ANK2: variants seen among roughly 807,000 people sequenced by gnomAD.
The protein encoded by ANK2 is ankyrin-2.
In ANK2, 83 loss-of-function variants were observed where a neutral mutation model predicts 360.5. The ratio of observed to expected loss-of-function variants is 0.23; its 90% CI spans 0.19 to 0.28. ANK2 has a LOEUF of 0.28. Ranked by LOEUF, ANK2 falls within the 10% of genes least tolerant of loss-of-function variation. ANK2 has a pLI of 1.00. For synonymous variants in ANK2, 1,740 were observed against 1,759.5 expected (o/e 0.99, Z 0.28); for missense variants, 4,201 against 4,795.7 (o/e 0.88, Z 3.66).
chr4:113,072,485 C>T (rs897067776), intron 1 of ANK2, among the ~76,000 whole-genome samples: 43 of 152,096 alleles, frequency 2.8e-4, no homozygotes, highest in African/African-American at 9.2e-4. Context: ...CTCTTCCTGC[C>T]GGACTGGTCT....
chr4:113,350,342 A>G (rs2095326314), intron 37 of ANK2, 93 bp downstream of exon 37: 1 of 1,008,932 alleles, frequency 9.9e-7, no homozygotes, highest in Non-Finnish European at 1.5e-6. Context: ...ATTACTAACC[A>G]CTATAGTAAT....
At position 113,278,064 on chromosome 4, in the gene ANK2, T is replaced by C. The variant is rs79181753; in HGVS notation, c.1782+129T>C. 4.2e-5 allele frequency: 38 copies of C among 905,216 alleles called. No homozygotes were observed. In the East Asian group the frequency reaches 1.0e-3, roughly 24 times the overall value. 56.1% of individuals were successfully genotyped at this position (905,216 alleles called of 1,614,324 possible). A position where few individuals can be genotyped will look rare whatever the true frequency, so the allele number is the denominator to read the frequency against. On this transcript the variant is annotated intron_variant, in intron 16 of 45. Transcript: ENST00000357077. ...CTGATGAAACTATCCCAAATAGACA[T>C]GGTGGCGATGTCTTCCATGACCGTC... is the stretch of plus-strand genomic sequence containing the variant.
chr4:113,180,971 C>T (rs575604936), intron 2 of ANK2, among the ~76,000 whole-genome samples: 1 of 152,188 alleles, frequency 6.6e-6, no homozygotes, highest in Non-Finnish European at 1.5e-5. Context: ...TTGCTCTATA[C>T]TGGGTAGTGC....
intron 34 of ANK2, among the ~76,000 whole-genome samples, chr4:113,343,794 C>T (rs1163944164): frequency 6.6e-6 from 1 of 152,104 alleles, no homozygotes; most frequent in Non-Finnish European, 1.5e-5. Flanking sequence ...AATAATTCTA[C>T]TCTGCATTAT....
intron 2 of ANK2, among the ~76,000 whole-genome samples, chr4:112,953,772 G>A (rs2095178805): frequency 6.6e-6 from 1 of 152,130 alleles, no homozygotes; most frequent in Non-Finnish European, 1.5e-5. Flanking sequence ...TTTTGACGAG[G>A]ATTATTACCA....
chr4:112,754,912 G>A, the ANK2 span, among the ~76,000 whole-genome samples: 1 of 152,116 alleles, frequency 6.6e-6, no homozygotes, highest in African/African-American at 2.4e-5. Context: ...ACTGGAGGAG[G>A]GAGAAAGATG....
rs1554340087 is a variant in ANK2, at chr4:113,250,759, C to CA, written c.990+897_990+898insA. Reference sequence around the variant, plus strand: ...TCCATTCCACCTCATACCACCGCCCCCCCCCCCGACAGAGTTGGTATCAAC... The same window carrying CA: ...TCCATTCCACCTCATACCACCGCCCCACCCCCCCGACAGAGTTGGTATCAAC... On this transcript the variant is annotated intron_variant, in intron 10 of 45. Transcript: ENST00000357077. 7.8e-4 allele frequency among the ~76,000 whole-genome samples: 105 copies of CA among 134,712 alleles called. 9 individuals carry two copies. The highest frequency in any genetic ancestry group is 2.6e-3 in the African/African-American group (97 of 37,910). 88.4% of individuals were successfully genotyped at this position (134,712 alleles called of 152,430 possible).
chr4:112,850,324 T>TCCA (rs1452514987), intron 1 of ANK2, among the ~76,000 whole-genome samples: 2 of 133,810 alleles, frequency 1.5e-5, no homozygotes, highest in African/African-American at 5.8e-5. Context: ...CATCCATCCA[T>TCCA]TCATCTGTCC....
intron 1 of ANK2, among the ~76,000 whole-genome samples, chr4:113,087,049 T>C (rs1351900518): frequency 6.6e-6 from 1 of 152,168 alleles, no homozygotes; most frequent in African/African-American, 2.4e-5. Flanking sequence ...TACATTCAAA[T>C]AGGCACATAG....
intron 2 of ANK2, among the ~76,000 whole-genome samples, chr4:112,912,590 AT>A (rs978636917): frequency 5.9e-5 from 9 of 152,140 alleles, no homozygotes; most frequent in African/African-American, 2.2e-4. Flanking sequence ...AACCTGGAAA[AT>A]ATCACACAAT....
chr4:113,276,163 G>T (rs894536445), intron 15 of ANK2, among the ~76,000 whole-genome samples: 1 of 151,964 alleles, frequency 6.6e-6, no homozygotes, highest in Admixed American at 6.6e-5. Flanking sequence ...GGATGGACTC[G>T]ATCTCCTGAC....
chr4:113,338,848 C>A (rs532775047), intron 31 of ANK2, among the ~76,000 whole-genome samples: 1 of 151,886 alleles, frequency 6.6e-6, no homozygotes, highest in Non-Finnish European at 1.5e-5. Flanking sequence ...CGCGCCCGGC[C>A]GATTGTTCAC....
the ANK2 span, among the ~76,000 whole-genome samples, chr4:112,709,625 T>A: frequency 6.6e-6 from 1 of 152,158 alleles, no homozygotes; most frequent in Non-Finnish European, 1.5e-5. Flanking sequence ...GGCAGGCACC[T>A]GTAATCCCAG....
intron 2 of ANK2, among the ~76,000 whole-genome samples, chr4:112,941,350 T>C (rs889376386): frequency 1.4e-5 from 2 of 145,976 alleles, no homozygotes; most frequent in Non-Finnish European, 3.0e-5. Context: ...TAAAAAGTTA[T>C]ATATTAAATA....
rs543683189 is a variant in ANK2 at position 112,918,532 on chromosome 4, G to A, written c.21+14018G>A. Among the ~76,000 whole-genome samples the A allele has an allele frequency of 2.0e-5, 3 of 152,212 alleles. No individual in the cohort carries two copies. In the South Asian group the frequency reaches 6.2e-4, roughly 32 times the overall value. ...GTCCGGACACTAGTTTTCTTTGATC[G>A]CCCTCACCATGGCTGCTGCATTTGT... is the stretch of plus-strand genomic sequence containing the variant. On this transcript the variant is annotated intron_variant, in intron 2 of 30. Coordinates refer to the ANK2 transcript ENST00000503271.
chr4:113,152,566 A>G (rs944602751), intron 1 of ANK2, among the ~76,000 whole-genome samples: 1 of 152,122 alleles, frequency 6.6e-6, no homozygotes, highest in Non-Finnish European at 1.5e-5. Context: ...GCTGACCTTC[A>G]TATCATATTT....
intron 1 of ANK2, among the ~76,000 whole-genome samples, chr4:113,112,687 T>C (rs1415362054): frequency 6.6e-6 from 1 of 152,176 alleles, no homozygotes; most frequent in Non-Finnish European, 1.5e-5. Flanking sequence ...TTGGCCATTG[T>C]TACTAGCTAG....
At position 113,233,104 on chromosome 4, in the gene ANK2, C is replaced by CTTT. The variant is rs1563056547; in HGVS notation, c.483+846_483+847insTTT. 1.1e-3 allele frequency among the ~76,000 whole-genome samples: 32 copies of CTTT among 29,296 alleles called. 16 individuals carry two copies. Among genetic ancestry groups the CTTT allele is most frequent in the Non-Finnish European group, 1.0e-3 (16 of 15,494 alleles). The allele number at this position is 29,296 out of a possible 152,430, so 19.2% of individuals were successfully genotyped here. ...ACCAGAGTATATGGGCTTGGCTTTT[C>CTTT]TGTTTTTTTTTTTTTTTTTTTTTTT... On this transcript the variant is annotated intron_variant, in intron 5 of 45. Coordinates refer to ENST00000357077, the MANE Select transcript of ANK2 (RefSeq NM_001148.6).
At chr4:112,789,726 A>G in the ANK2 span, among the ~76,000 whole-genome samples, 3 of 152,142 alleles carry the variant, frequency 2.0e-5, no homozygotes, top group Non-Finnish European at 4.4e-5. Context: ...TGTGTTAGGG[A>G]TCACAGTAGT....
Sources: gnomAD v4.1 joint callset for allele counts (sites outside exome capture counted in the v4.1 genomes callset) on GRCh38, gnomAD v4.1.1 for gene constraint, MANE v1.5 for transcripts, NCBI Gene and HGNC (gene_info 2026-07-23, HGNC 2026-07-21) for gene names.